STXBP4: variants seen among roughly 807,000 people sequenced by gnomAD.
STXBP4 encodes the protein syntaxin-binding protein 4.
A neutral mutation model predicts 76.1 loss-of-function variants in STXBP4; 55 were observed. That is an observed-to-expected ratio of 0.72 (90% confidence interval 0.58 to 0.91). STXBP4 has a LOEUF of 0.91. STXBP4 is among the 40% of genes least tolerant of loss of function. The pLI is 0.00. For missense variants in STXBP4, 618 were observed against 636.9 expected (o/e 0.97, Z 0.32); for synonymous variants, 201 against 220.2 (o/e 0.91, Z 0.77).
chr17:55,193,037 A>G, the STXBP4 span, among the ~76,000 whole-genome samples: 2 of 152,206 alleles, frequency 1.3e-5, no homozygotes, highest in African/African-American at 4.8e-5. Flanking sequence ...TTGAGTGCCA[A>G]CAGACTCAGA....
the STXBP4 span, among the ~76,000 whole-genome samples, chr17:55,179,218 C>T: frequency 0.18 from 27,760 of 151,940 alleles, 2,698 homozygotes; most frequent in Non-Finnish European, 0.23. Flanking sequence ...GCAAGAGTTA[C>T]TACCACTGGG....
intron 16 of STXBP4, among the ~76,000 whole-genome samples, chr17:55,121,736 C>T (rs753791780): frequency 4.7e-4 from 72 of 151,980 alleles, no homozygotes; most frequent in Non-Finnish European, 1.0e-4. Context: ...GCCACCCACC[C>T]CAGTTCTGGT....
At chr17:55,017,467 G>A (rs1173601363) in intron 8 of STXBP4, among the ~76,000 whole-genome samples, 3 of 152,282 alleles carry the variant, frequency 2.0e-5, no homozygotes, top group African/African-American at 7.2e-5. Context: ...TCCCTTTGGA[G>A]ATACAACTTG....
intron 16 of STXBP4, among the ~76,000 whole-genome samples, chr17:55,102,504 A>G (rs1264200071): frequency 1.3e-5 from 2 of 151,940 alleles, no homozygotes; most frequent in East Asian, 1.9e-4. Context: ...TATGTGCGAT[A>G]TTTTCTTTAT....
chr17:55,180,876 C>A, the STXBP4 span, among the ~76,000 whole-genome samples: 1 of 152,204 alleles, frequency 6.6e-6, no homozygotes, highest in African/African-American at 2.4e-5. Context: ...GTGGATAGCA[C>A]CTGCTCTGTA....
chr17:55,050,770 C>T (rs1161262919), intron 12 of STXBP4, among the ~76,000 whole-genome samples: 1 of 152,140 alleles, frequency 6.6e-6, no homozygotes, highest in African/African-American at 2.4e-5. Flanking sequence ...CGGGTACAAG[C>T]GATTCTCCTG....
intron 8 of STXBP4, among the ~76,000 whole-genome samples, chr17:55,026,328 A>G (rs901103260): frequency 1.3e-5 from 2 of 152,250 alleles, no homozygotes; most frequent in African/African-American, 4.8e-5. Context: ...GTCATGAAAA[A>G]GAAAAAAGTT....
intron 16 of STXBP4, among the ~76,000 whole-genome samples, chr17:55,124,400 T>G (rs1028266253): frequency 6.6e-6 from 1 of 152,204 alleles, no homozygotes; most frequent in African/African-American, 2.4e-5. Context: ...ACTGTGATAT[T>G]TATTAATAGT....
intron 12 of STXBP4, among the ~76,000 whole-genome samples, chr17:55,069,987 G>A (rs955318979): frequency 1.3e-5 from 2 of 151,836 alleles, no homozygotes; most frequent in Admixed American, 1.3e-4. Flanking sequence ...GAGTGAAGCA[G>A]CCTCAAATAT....
chr17:55,149,681 T>C (rs774096688), intron 17 of STXBP4, among the ~76,000 whole-genome samples: 2 of 152,174 alleles, frequency 1.3e-5, no homozygotes, highest in Non-Finnish European at 2.9e-5. Flanking sequence ...AACCTACACC[T>C]GTGCCACTCT....
chr17:55,111,648 G>C (rs2079717829), intron 16 of STXBP4, among the ~76,000 whole-genome samples: 1 of 152,166 alleles, frequency 6.6e-6, no homozygotes, highest in African/African-American at 2.4e-5. Context: ...TGACATACCT[G>C]CTCCTGCTTT....
At chr17:55,187,308 TG>T in the STXBP4 span, among the ~76,000 whole-genome samples, 1 of 152,108 alleles carries the variant, frequency 6.6e-6, no homozygotes, top group African/African-American at 2.4e-5. Context: ...TGATCAAGCT[TG>T]GGAAGGAACC....
intron 12 of STXBP4, among the ~76,000 whole-genome samples, chr17:55,063,921 A>G (rs2079021251): frequency 6.6e-6 from 1 of 152,218 alleles, no homozygotes; most frequent in Non-Finnish European, 1.5e-5. Flanking sequence ...TTAGAGCAAT[A>G]TAAATTAATT....
intron 10 of STXBP4, among the ~76,000 whole-genome samples, chr17:55,035,456 T>C (rs912016624): frequency 4.0e-5 from 6 of 151,898 alleles, no homozygotes; most frequent in Non-Finnish European, 5.9e-5. Context: ...CTGTTCCATA[T>C]AGACCTGGAA....
intron 12 of STXBP4, 46 bp from the exon 13 acceptor site, chr17:55,072,854 T>C (rs745793591): frequency 6.6e-7 from 1 of 1,522,212 alleles, no homozygotes; most frequent in Non-Finnish European, 8.9e-7. Context: ...ACCTCGGAAC[T>C]ATTTCTTATG....
chr17:55,127,217 T>A (rs1468707540), intron 16 of STXBP4, among the ~76,000 whole-genome samples: 1 of 152,216 alleles, frequency 6.6e-6, no homozygotes, highest in African/African-American at 2.4e-5. Flanking sequence ...TTCTGAAATG[T>A]GGAATAAATA....
chr17:55,146,547 TA>T (rs1332218473), intron 17 of STXBP4, among the ~76,000 whole-genome samples: 8 of 151,396 alleles, frequency 5.3e-5, no homozygotes, highest in Non-Finnish European at 1.0e-4. Flanking sequence ...CTGTCTCTAC[TA>T]AAAAAAATAC....
At chr17:55,197,291 T>C in the STXBP4 span, among the ~76,000 whole-genome samples, 1 of 152,132 alleles carries the variant, frequency 6.6e-6, no homozygotes, top group African/African-American at 2.4e-5. Flanking sequence ...CATAGGAAAA[T>C]GCAATTCCCC....
chr17:55,194,580 A>C, the STXBP4 span, among the ~76,000 whole-genome samples: 1 of 152,166 alleles, frequency 6.6e-6, no homozygotes, highest in South Asian at 2.1e-4. Flanking sequence ...TCTGTTAATG[A>C]CTAGATTAAG....
Sources: allele counts gnomAD v4.1 joint callset (sites outside exome capture counted in the v4.1 genomes callset), GRCh38; gene constraint gnomAD v4.1.1; transcripts MANE v1.5; gene names NCBI Gene and HGNC (gene_info 2026-07-23, HGNC 2026-07-21).